NCOA1: variants seen among roughly 807,000 people sequenced by gnomAD.
NCOA1 encodes the protein nuclear receptor coactivator 1, also known as Hin-2 protein.
Under a neutral mutation model 150.9 loss-of-function variants are expected in NCOA1, and 35 were observed. That is an observed-to-expected ratio of 0.23 (90% CI 0.18 to 0.31). The LOEUF is 0.31. NCOA1 is among the 10% of genes least tolerant of loss of function. The pLI, the probability that NCOA1 is intolerant of heterozygous loss-of-function variation, is 1.00. For missense variants in NCOA1, 1,491 were observed against 1,749.3 expected (o/e 0.85, Z 2.63); for synonymous variants, 590 against 630.0 (o/e 0.94, Z 0.95).
intron 3 of NCOA1, among the ~76,000 whole-genome samples, chr2:24,607,680 A>G (rs565543215): frequency 2.7e-4 from 41 of 150,814 alleles, no homozygotes; most frequent in Non-Finnish European, 5.5e-4. Context: ...ACAGAGCGAG[A>G]CTCTTGTCTA....
chr2:24,503,200 T>G (rs896843571), intron 1 of NCOA1, among the ~76,000 whole-genome samples: 4 of 152,186 alleles, frequency 2.6e-5, no homozygotes, highest in African/African-American at 9.7e-5. Flanking sequence ...TTCAGGGTAT[T>G]TAGGGAATTA....
At chr2:24,523,605 C>CAAAAA (rs979559677) in intron 1 of NCOA1, among the ~76,000 whole-genome samples, 1,265 of 17,682 alleles carry the variant, frequency 0.072, 261 homozygotes, top group East Asian at 0.29. Flanking sequence ...GACTCCGTCT[C>CAAAAA]AAAAAAAAAA....
At chr2:24,516,394 A>C (rs968798645) in intron 1 of NCOA1, among the ~76,000 whole-genome samples, 1 of 151,096 alleles carries the variant, frequency 6.6e-6, no homozygotes, top group African/African-American at 2.4e-5. Flanking sequence ...GGGTTTCACC[A>C]TGTTAGCCAG....
At chr2:24,745,139 G>C (rs778096259) in intron 19 of NCOA1, among the ~76,000 whole-genome samples, 8 of 150,214 alleles carry the variant, frequency 5.3e-5, no homozygotes, top group African/African-American at 2.0e-4. Context: ...TCAGACTTTA[G>C]AAATTGTTTT....
chr2:24,741,624 T>G (rs1197888605), intron 18 of NCOA1, among the ~76,000 whole-genome samples, 160 bp from the exon 19 acceptor site: 1 of 152,238 alleles, frequency 6.6e-6, no homozygotes, highest in Non-Finnish European at 1.5e-5. Context: ...TGATTGTTAC[T>G]TAAGAGGTTT....
intron 8 of NCOA1, among the ~76,000 whole-genome samples, chr2:24,684,763 T>G (rs1672327226): frequency 1.3e-5 from 2 of 152,176 alleles, no homozygotes; most frequent in Non-Finnish European, 2.9e-5. Context: ...TCAGTAATAA[T>G]AGAATAGATC....
chr2:24,688,292 A>G (rs1572594490), intron 8 of NCOA1, among the ~76,000 whole-genome samples: 2 of 152,298 alleles, frequency 1.3e-5, no homozygotes, highest in African/African-American at 4.8e-5. Context: ...TTTGGGTTAA[A>G]TAGTAGTTCT....
chr2:24,647,535 T>TATC (rs987973946), intron 4 of NCOA1, among the ~76,000 whole-genome samples: 1 of 152,298 alleles, frequency 6.6e-6, no homozygotes, highest in Non-Finnish European at 1.5e-5. Flanking sequence ...TAGTATTCAT[T>TATC]ATCATCATCA....
chr2:24,705,853 A>G (rs1320943478), intron 12 of NCOA1, among the ~76,000 whole-genome samples: 1 of 152,142 alleles, frequency 6.6e-6, no homozygotes, highest in Non-Finnish European at 1.5e-5. Context: ...GTATTTGCTT[A>G]TTGGAACATG....
intron 3 of NCOA1, among the ~76,000 whole-genome samples, chr2:24,641,555 G>A (rs1418253061): frequency 6.6e-6 from 1 of 151,966 alleles, no homozygotes; most frequent in African/African-American, 2.4e-5. Flanking sequence ...AACAGATTAT[G>A]TTTGGTTATA....
Position 24,652,972 on chromosome 2 carries a change from G to A in NCOA1, c.-17-5689G>A, listed in dbSNP as rs577142704. ...CCTTGTTTATTGTGTTTTGTAAACA[G>A]GAAGCAGTTAATACCAGAATCATAC... On this transcript the variant is annotated intron_variant, in intron 4 of 22. Coordinates refer to ENST00000348332, the MANE Select transcript of NCOA1 (RefSeq NM_003743.5). 3.9e-5 allele frequency among the ~76,000 whole-genome samples: 6 copies of A among 152,232 alleles called. No homozygotes were observed. The South Asian group carries it at 1.2e-3, about 32-fold the overall frequency.
intron 1 of NCOA1, among the ~76,000 whole-genome samples, chr2:24,547,095 C>A (rs553844118): frequency 1.3e-5 from 2 of 152,120 alleles, no homozygotes; most frequent in African/African-American, 4.8e-5. Flanking sequence ...TAATCAATGG[C>A]GGCCAAGTTT....
chr2:24,509,104 A>G (rs112776604), intron 1 of NCOA1, among the ~76,000 whole-genome samples: 130 of 152,360 alleles, frequency 8.5e-4, no homozygotes, highest in Middle Eastern at 3.4e-3. Flanking sequence ...CAACAAAATC[A>G]GCAACAATGA....
chr2:24,709,758 C>G (rs1558305902), intron 13 of NCOA1, among the ~76,000 whole-genome samples: 2 of 152,118 alleles, frequency 1.3e-5, no homozygotes. Context: ...TTCGTATCAG[C>G]CAAAAACTGG....
chr2:24,557,992 TTTTCCCAAAATGAACC>T (rs1666141245), intron 1 of NCOA1, among the ~76,000 whole-genome samples: 2 of 151,442 alleles, frequency 1.3e-5, no homozygotes, highest in Admixed American at 1.3e-4. Flanking sequence ...CTCTGGTTCA[TTTTCCCAAAATGAACC>T]CTTGGGTTCA....
chr2:24,532,693 C>G lies in NCOA1; in HGVS notation c.-395-31602C>G, dbSNP rs193155297. ...TATGGCTAACCAGCTTTCCCAGCAC[C>G]ATTTATTAAATAGGGAATCCTTTCC... On this transcript the variant is annotated intron_variant, in intron 1 of 22. Coordinates refer to ENST00000348332, the MANE Select transcript of NCOA1 (RefSeq NM_003743.5). 2.1e-3 allele frequency among the ~76,000 whole-genome samples: 317 copies of G among 152,260 alleles called. 12 individuals are homozygous for G. In the East Asian group the frequency reaches 0.054, roughly 26 times the overall value.
chr2:24,645,101 ACT>A (rs1259408911), intron 4 of NCOA1, among the ~76,000 whole-genome samples: 1 of 152,060 alleles, frequency 6.6e-6, no homozygotes, highest in Non-Finnish European at 1.5e-5. Context: ...TGGAGGCAAA[ACT>A]CTCAGTTGGC....
chr2:24,685,393 T>C (rs915480350), intron 8 of NCOA1, among the ~76,000 whole-genome samples: 1 of 152,166 alleles, frequency 6.6e-6, no homozygotes, highest in Non-Finnish European at 1.5e-5. Flanking sequence ...CTTGCACAGA[T>C]GGTTATAAAA....
chr2:24,738,615 G>C (rs1158593417), intron 17 of NCOA1, among the ~76,000 whole-genome samples: 1 of 152,136 alleles, frequency 6.6e-6, no homozygotes, highest in African/African-American at 2.4e-5. Context: ...TAAATAAATT[G>C]CATAGTATAT....
Sources: allele counts gnomAD v4.1 joint callset (sites outside exome capture counted in the v4.1 genomes callset), GRCh38; gene constraint gnomAD v4.1.1; transcripts MANE v1.5; gene names NCBI Gene and HGNC (gene_info 2026-07-23, HGNC 2026-07-21).